The following CTNNA3 variants were observed in gnomAD, a reference collection of about 807,000 sequenced individuals.
CTNNA3 encodes catenin alpha-3.
CTNNA3 carries 76 observed loss-of-function variants against 95.7 expected under a neutral mutation model. That is an observed-to-expected ratio of 0.79 (90% CI 0.66 to 0.96). CTNNA3 has a LOEUF of 0.96. CTNNA3 is among the 40% of genes least tolerant of loss of function. The pLI, the probability that CTNNA3 is intolerant of heterozygous loss-of-function variation, is 0.00. For missense variants in CTNNA3, 1,191 were observed against 1,089.8 expected, an observed-to-expected ratio of 1.09 and a Z score of -1.31; for synonymous variants, 431 against 374.4, an observed-to-expected ratio of 1.15 and a Z score of -1.74.
intron 7 of CTNNA3, among the ~76,000 whole-genome samples, chr10:66,831,694 A>T (rs193131445): frequency 6.7e-5 from 10 of 150,154 alleles, no homozygotes; most frequent in Non-Finnish European, 1.2e-4. Flanking sequence ...GAAGAAACAA[A>T]AAAAAGGGGA....
intron 3 of CTNNA3, among the ~76,000 whole-genome samples, chr10:67,597,576 G>A (rs967544534): frequency 6.6e-6 from 1 of 152,106 alleles, no homozygotes; most frequent in Non-Finnish European, 1.5e-5. Context: ...ACCCTGTGGG[G>A]GCTGGGACCA....
intron 5 of CTNNA3, among the ~76,000 whole-genome samples, chr10:67,271,953 A>C (rs943151728): frequency 6.6e-6 from 1 of 152,188 alleles, no homozygotes; most frequent in Non-Finnish European, 1.5e-5. Flanking sequence ...ACATTCTTAC[A>C]TTGCCTTAAA....
chr10:66,244,343 T>C (rs1948940), intron 13 of CTNNA3, among the ~76,000 whole-genome samples: 32,599 of 152,164 alleles, frequency 0.21, 3,678 homozygotes, highest in South Asian at 0.29. Context: ...GGGAAGGACA[T>C]AAACATGGCT....
At chr10:66,141,285 A>G (rs1443082528) in intron 13 of CTNNA3, among the ~76,000 whole-genome samples, 1 of 151,856 alleles carries the variant, frequency 6.6e-6, no homozygotes, top group East Asian at 1.9e-4. Flanking sequence ...AAAAGAAAGA[A>G]AGAAAGAAAA....
At chr10:67,033,858 C>T (rs1450251063) in intron 7 of CTNNA3, among the ~76,000 whole-genome samples, 1 of 152,118 alleles carries the variant, frequency 6.6e-6, no homozygotes, top group Admixed American at 6.5e-5. Flanking sequence ...GCAACCTCTG[C>T]CTCCCGGGTT....
chr10:67,504,182 A>G (rs1329528197), intron 5 of CTNNA3, among the ~76,000 whole-genome samples: 1 of 132,696 alleles, frequency 7.5e-6, no homozygotes, highest in South Asian at 2.6e-4. Context: ...GGTCGGTGCC[A>G]AGGCTCATGC....
At chr10:67,303,453 A>G (rs1304389978) in intron 5 of CTNNA3, among the ~76,000 whole-genome samples, 2 of 152,256 alleles carry the variant, frequency 1.3e-5, no homozygotes, top group Non-Finnish European at 2.9e-5. Context: ...AAGAAGAAAG[A>G]TGTATCTGAA....
chr10:67,374,386 G>A (rs1194510073), intron 5 of CTNNA3, among the ~76,000 whole-genome samples: 1 of 150,822 alleles, frequency 6.6e-6, no homozygotes, highest in Non-Finnish European at 1.5e-5. Flanking sequence ...AACCTTGAAA[G>A]GTATGTAAGA....
At chr10:67,647,900 A>G (rs1839766806) in intron 1 of CTNNA3, among the ~76,000 whole-genome samples, 1 of 151,154 alleles carries the variant, frequency 6.6e-6, no homozygotes, top group Non-Finnish European at 1.5e-5. Flanking sequence ...GCCTATGCCC[A>G]TATTTTGCTT....
intron 7 of CTNNA3, among the ~76,000 whole-genome samples, chr10:66,940,069 G>GTGTT (rs1331795712): frequency 6.6e-6 from 1 of 151,922 alleles, no homozygotes; most frequent in Non-Finnish European, 1.5e-5. Flanking sequence ...GTTAGGTTTT[G>GTGTT]TGTTTGTTTT....
At chr10:65,973,369 G>A (rs184265458) in intron 16 of CTNNA3, among the ~76,000 whole-genome samples, 3 of 152,208 alleles carry the variant, frequency 2.0e-5, no homozygotes, top group African/African-American at 7.2e-5. Context: ...TAATTAAAGA[G>A]CTTCTGCATA....
intron 13 of CTNNA3, among the ~76,000 whole-genome samples, chr10:66,220,097 T>C (rs2131976653): frequency 6.6e-6 from 1 of 152,250 alleles, no homozygotes; most frequent in African/African-American, 2.4e-5. Flanking sequence ...CACTCCAGCC[T>C]GGGCAACAGA....
intron 10 of CTNNA3, among the ~76,000 whole-genome samples, chr10:66,603,679 G>T (rs1309519494): frequency 6.6e-6 from 1 of 151,984 alleles, no homozygotes; most frequent in Non-Finnish European, 1.5e-5. Context: ...GTTTTCAATT[G>T]TACTACAAAG....
intron 9 of CTNNA3, among the ~76,000 whole-genome samples, chr10:66,644,296 C>CTGTCTG (rs1564589831): frequency 3.3e-5 from 3 of 92,124 alleles, no homozygotes; most frequent in South Asian, 4.3e-4. Flanking sequence ...CTGTCTGTCT[C>CTGTCTG]TCTCTCTCTC....
rs113148773 is a variant in CTNNA3, at chr10:66,886,232, G to A, written c.1048-110708C>T. Among the ~76,000 whole-genome samples, 481 of 152,182 alleles carry A rather than the reference G, an allele frequency of 3.2e-3. 4 individuals are homozygous for A. Among genetic ancestry groups the A allele is most frequent in the African/African-American group, 0.011 (450 of 41,528 alleles). On this transcript the variant is annotated intron_variant, in intron 7 of 17. Transcript: ENST00000433211. Reference sequence around the variant, plus strand: ...CATTTTTCAATAACCCTGTGACTGGGGTCCTGAGCCCACTTATAAGCTCAA... The same window carrying A: ...CATTTTTCAATAACCCTGTGACTGGAGTCCTGAGCCCACTTATAAGCTCAA...
chr10:65,965,061 G>T (rs1298844774), intron 17 of CTNNA3, among the ~76,000 whole-genome samples: 1 of 152,090 alleles, frequency 6.6e-6, no homozygotes, highest in African/African-American at 2.4e-5. Context: ...TGGGATTTTT[G>T]ATAAAATTTG....
chr10:66,594,723 C>T (rs532597789), intron 10 of CTNNA3, among the ~76,000 whole-genome samples: 11 of 151,900 alleles, frequency 7.2e-5, no homozygotes, highest in Non-Finnish European at 1.5e-4. Context: ...TCTGATTTTC[C>T]TGATATGGTA....
intron 11 of CTNNA3, among the ~76,000 whole-genome samples, chr10:66,496,435 T>C (rs1001401031): frequency 6.6e-6 from 1 of 152,112 alleles, no homozygotes; most frequent in Non-Finnish European, 1.5e-5. Context: ...ACTAGAATAA[T>C]GAAGAAAAAA....
chr10:66,167,520 A>C (rs2085197995), intron 13 of CTNNA3, among the ~76,000 whole-genome samples: 1 of 152,188 alleles, frequency 6.6e-6, no homozygotes, highest in Non-Finnish European at 1.5e-5. Context: ...TCTTTAATTG[A>C]CTAATAATTG....
Sources: gnomAD v4.1 joint callset for allele counts (sites outside exome capture counted in the v4.1 genomes callset) on GRCh38, gnomAD v4.1.1 for gene constraint, MANE v1.5 for transcripts, NCBI Gene and HGNC (gene_info 2026-07-23, HGNC 2026-07-21) for gene names.